GPR158: variants seen among roughly 807,000 people sequenced by gnomAD.
The protein encoded by GPR158 is metabotropic glycine receptor.
GPR158 carries 30 observed loss-of-function variants against 78.2 expected under a neutral mutation model. The observed-to-expected ratio is 0.38, with a 90% CI of 0.29 to 0.52. The LOEUF (loss-of-function observed/expected upper bound fraction) is 0.52. Among genes scored for constraint, GPR158 ranks in the 20% least tolerant of loss-of-function variants. GPR158 has a pLI of 0.83. For synonymous variants in GPR158, 581 were observed against 591.1 expected, an observed-to-expected ratio of 0.98 and a Z score of 0.25; for missense variants, 1,463 against 1,523.5, an observed-to-expected ratio of 0.96 and a Z score of 0.66.
At chr10:25,387,186 G>T (rs555334251) in intron 2 of GPR158, among the ~76,000 whole-genome samples, 2 of 152,026 alleles carry the variant, frequency 1.3e-5, no homozygotes, top group East Asian at 3.9e-4. Context: ...ATCATAAAAG[G>T]GTGTTGCATT....
At chr10:25,344,177 A>C (rs1009889816) in intron 2 of GPR158, among the ~76,000 whole-genome samples, 1 of 152,008 alleles carries the variant, frequency 6.6e-6, no homozygotes, top group African/African-American at 2.4e-5. Context: ...GAAAATATAA[A>C]GTTTGAAAGA....
At chr10:25,357,777 G>T (rs1224483500) in intron 2 of GPR158, among the ~76,000 whole-genome samples, 3 of 148,766 alleles carry the variant, frequency 2.0e-5, no homozygotes, top group African/African-American at 7.8e-5. Flanking sequence ...GAAATGTGGG[G>T]TCAGAGCTCC....
intron 3 of GPR158, among the ~76,000 whole-genome samples, chr10:25,410,092 G>A (rs546873835): frequency 1.1e-4 from 17 of 152,144 alleles, no homozygotes; most frequent in African/African-American, 3.6e-4. Context: ...TTATGACACT[G>A]TAAATACTCC....
intron 1 of GPR158, among the ~76,000 whole-genome samples, chr10:25,203,535 G>C (rs1308058288): frequency 1.3e-5 from 2 of 150,962 alleles, no homozygotes; most frequent in Admixed American, 6.7e-5. Flanking sequence ...GCTTGTTTTT[G>C]TCAGGTTTGT....
At chr10:25,238,049 T>G (rs564501306) in intron 2 of GPR158, among the ~76,000 whole-genome samples, 17 of 152,260 alleles carry the variant, frequency 1.1e-4, no homozygotes, top group African/African-American at 3.1e-4. Context: ...ATTCTTGTCT[T>G]TCTTTTCTTT....
At chr10:25,292,675 T>A (rs1030869845) in intron 2 of GPR158, among the ~76,000 whole-genome samples, 26 of 152,118 alleles carry the variant, frequency 1.7e-4, no homozygotes, top group African/African-American at 6.0e-4. Context: ...ATTTTAAAGA[T>A]ATAAGCCTAA....
At chr10:25,194,384 C>A (rs1852816877) in intron 1 of GPR158, among the ~76,000 whole-genome samples, 1 of 152,028 alleles carries the variant, frequency 6.6e-6, no homozygotes, top group African/African-American at 2.4e-5. Context: ...ACTAAAAATA[C>A]AAAAATTAGC....
chr10:25,434,791 G>A (rs1834975127), intron 4 of GPR158, among the ~76,000 whole-genome samples: 1 of 152,140 alleles, frequency 6.6e-6, no homozygotes, highest in Non-Finnish European at 1.5e-5. Context: ...TTTTATGTCA[G>A]TGTTCTCCTC....
chr10:25,319,025 T>A (rs1315897340), intron 2 of GPR158, among the ~76,000 whole-genome samples: 1 of 152,160 alleles, frequency 6.6e-6, no homozygotes, highest in East Asian at 1.9e-4. Context: ...ACTAAATTGT[T>A]TGGTATAATG....
Position 25,526,510 on chromosome 10 carries a change from T to G in GPR158, c.1405-24466T>G, listed in dbSNP as rs528090426. On this transcript the variant is annotated intron_variant, in intron 5 of 10. Transcript: ENST00000376351. ...GGCGGATGTACTCATCTGGATCCAA[T>G]CAAGAGACAGAAACTGTACAGTAAT... Among the ~76,000 whole-genome samples, 6 of 152,268 alleles carry G rather than the reference T, an allele frequency of 3.9e-5. No homozygotes were observed. In the South Asian group the frequency reaches 1.0e-3, roughly 26 times the overall value.
At chr10:25,380,253 C>G (rs548645100) in intron 2 of GPR158, among the ~76,000 whole-genome samples, 16 of 152,136 alleles carry the variant, frequency 1.1e-4, no homozygotes, top group Admixed American at 2.6e-4. Context: ...ATACCTGTCT[C>G]CCTCACCAAA....
At chr10:25,571,425 G>A (rs1006264298) in intron 6 of GPR158, among the ~76,000 whole-genome samples, 2 of 152,088 alleles carry the variant, frequency 1.3e-5, no homozygotes, top group African/African-American at 4.8e-5. Flanking sequence ...GGCTATTTCA[G>A]GTGTATTGGC....
chr10:25,327,939 A>G lies in GPR158; in HGVS notation c.1009-67972A>G, dbSNP rs539376558. On this transcript the variant is annotated intron_variant, in intron 2 of 10. Coordinates refer to ENST00000376351, the MANE Select transcript of GPR158 (RefSeq NM_020752.3). The stretch of plus-strand genomic sequence containing the variant: ...GAAAATCTATTTGTAGACATTCGTT[A>G]TTGACCCTATTCCTCTAGCTTAACT... 2.0e-4 allele frequency among the ~76,000 whole-genome samples: 30 copies of G among 152,332 alleles called. No homozygotes were observed. The South Asian group carries it at 6.2e-3, about 32-fold the overall frequency.
At chr10:25,305,864 G>T (rs558947) in intron 2 of GPR158, among the ~76,000 whole-genome samples, 1 of 151,990 alleles carries the variant, frequency 6.6e-6, no homozygotes, top group Non-Finnish European at 1.5e-5. Context: ...AGTAGAAGAG[G>T]TATTTTAGGA....
intron 4 of GPR158, among the ~76,000 whole-genome samples, chr10:25,443,393 A>G (rs1835094637): frequency 6.6e-6 from 1 of 151,866 alleles, no homozygotes. Context: ...CACCTCTATT[A>G]AAAATATAAA....
intron 4 of GPR158, among the ~76,000 whole-genome samples, chr10:25,438,684 G>T (rs1835029769): frequency 6.6e-6 from 1 of 152,168 alleles, no homozygotes; most frequent in African/African-American, 2.4e-5. Context: ...CAAATTTAAT[G>T]AAAGGAGCGT....
At chr10:25,434,311 T>A (rs1834967544) in intron 4 of GPR158, among the ~76,000 whole-genome samples, 1 of 152,192 alleles carries the variant, frequency 6.6e-6, no homozygotes, top group Non-Finnish European at 1.5e-5. Context: ...GCTTAATGAT[T>A]ACCAAGCTCT....
intron 2 of GPR158, among the ~76,000 whole-genome samples, chr10:25,295,570 C>A (rs1392235726): frequency 1.3e-5 from 2 of 152,048 alleles, no homozygotes; most frequent in African/African-American, 4.8e-5. Context: ...CCCGCCACTA[C>A]GCCCGGCTAA....
At chr10:25,510,182 C>T (rs1249579111) in intron 5 of GPR158, among the ~76,000 whole-genome samples, 1 of 152,152 alleles carries the variant, frequency 6.6e-6, no homozygotes, top group African/African-American at 2.4e-5. Context: ...AAAATAGAGT[C>T]TTCCACAGAG....
Sources: gnomAD v4.1 joint callset for allele counts (sites outside exome capture counted in the v4.1 genomes callset) on GRCh38, gnomAD v4.1.1 for gene constraint, MANE v1.5 for transcripts, NCBI Gene and HGNC (gene_info 2026-07-23, HGNC 2026-07-21) for gene names.